GRM1: variants seen among roughly 807,000 people sequenced by gnomAD.
GRM1 encodes the protein glutamate metabotropic receptor 1.
In GRM1, 33 loss-of-function variants were observed where a neutral mutation model predicts 90.9. The ratio of observed to expected loss-of-function variants is 0.36; its 90% CI spans 0.28 to 0.49. GRM1 has a LOEUF of 0.49. Among genes scored for constraint, GRM1 ranks in the 20% least tolerant of loss-of-function variants. The pLI, the probability that GRM1 is intolerant of heterozygous loss-of-function variation, is 0.99. For synonymous variants in GRM1, 700 were observed against 613.2 expected (o/e 1.14, Z -2.09); for missense variants, 1,190 against 1,534.3 (o/e 0.78, Z 3.75).
intron 1 of GRM1, among the ~76,000 whole-genome samples, chr6:146,090,121 C>G (rs868650121): frequency 6.6e-6 from 1 of 151,986 alleles, no homozygotes; most frequent in South Asian, 2.1e-4. Flanking sequence ...CATCCATGTA[C>G]CTTCTGTGTG....
intron 2 of GRM1, among the ~76,000 whole-genome samples, chr6:146,176,130 T>C (rs755107520): frequency 6.6e-6 from 1 of 152,092 alleles, no homozygotes; most frequent in Non-Finnish European, 1.5e-5. Flanking sequence ...AGTTAATTCT[T>C]AATATCAAAT....
At chr6:146,075,660 G>T (rs772355671) in intron 1 of GRM1, among the ~76,000 whole-genome samples, 15 of 152,210 alleles carry the variant, frequency 9.9e-5, no homozygotes, top group Non-Finnish European at 2.2e-4. Flanking sequence ...TTGTCTCACA[G>T]TTGTGTAGGC....
chr6:146,424,640 G>A (rs1056965493), intron 7 of GRM1, among the ~76,000 whole-genome samples: 1 of 152,226 alleles, frequency 6.6e-6, no homozygotes, highest in South Asian at 2.1e-4. Flanking sequence ...GGTAGAGATT[G>A]TGTTTGTCTG....
At chr6:146,326,644 G>A (rs1015266064) in intron 3 of GRM1, among the ~76,000 whole-genome samples, 7 of 152,046 alleles carry the variant, frequency 4.6e-5, no homozygotes. Context: ...TTAATAAGTA[G>A]AAAGTAAATC....
At chr6:146,311,111 G>T (rs1463347022) in intron 3 of GRM1, among the ~76,000 whole-genome samples, 8 of 152,154 alleles carry the variant, frequency 5.3e-5, no homozygotes. Context: ...ATCATAAGAA[G>T]AATGGTGCAA....
chr6:146,330,941 AC>A (rs2114993600), intron 3 of GRM1, among the ~76,000 whole-genome samples: 1 of 152,364 alleles, frequency 6.6e-6, no homozygotes, highest in East Asian at 1.9e-4. Flanking sequence ...TCTATAACTA[AC>A]AGGAACTAAT....
At chr6:146,157,037 G>A (rs1777548849) in intron 1 of GRM1, among the ~76,000 whole-genome samples, 1 of 152,208 alleles carries the variant, frequency 6.6e-6, no homozygotes, top group African/African-American at 2.4e-5. Context: ...AGTTCAGTCT[G>A]AAGATCTATA....
At chr6:146,421,189 G>GA (rs1208007702) in intron 7 of GRM1, among the ~76,000 whole-genome samples, 3 of 151,838 alleles carry the variant, frequency 2.0e-5, no homozygotes, top group South Asian at 2.1e-4. Flanking sequence ...AATATCATGG[G>GA]AAAAAAATCT....
At chr6:146,425,022 T>G (rs1166238302) in intron 7 of GRM1, among the ~76,000 whole-genome samples, 1 of 152,218 alleles carries the variant, frequency 6.6e-6, no homozygotes, top group Non-Finnish European at 1.5e-5. Context: ...TCTGTTTTTC[T>G]AATTTTATTA....
In GRM1 at chr6:146,236,951, G is replaced by A. The variant is rs531296474; in HGVS notation, c.951-67660G>A. Among the ~76,000 whole-genome samples, 8 of 152,202 alleles carry A rather than the reference G, an allele frequency of 5.3e-5. No homozygotes were observed. The South Asian group carries it at 8.3e-4, about 16-fold the overall frequency. ...CCCCAAGTGTTTTTGGTTCCCAAGG[G>A]CTGTATGATGTCACAAGAGTTCACA... On this transcript the variant is annotated intron_variant, in intron 2 of 7. Transcript: ENST00000282753.
chr6:146,222,992 CAGA>C (rs1780122896), intron 2 of GRM1, among the ~76,000 whole-genome samples: 5 of 151,752 alleles, frequency 3.3e-5, no homozygotes, highest in Admixed American at 3.3e-4. Context: ...TAGGAAAGAT[CAGA>C]AGAAGTACCT....
At chr6:146,323,618 G>A (rs1360973490) in intron 3 of GRM1, among the ~76,000 whole-genome samples, 1 of 152,092 alleles carries the variant, frequency 6.6e-6, no homozygotes, top group Admixed American at 6.5e-5. Flanking sequence ...TGTCAATTTT[G>A]TCTTTTGTTG....
chr6:146,039,387 A>T (rs1791014109), intron 1 of GRM1, among the ~76,000 whole-genome samples: 1 of 151,918 alleles, frequency 6.6e-6, no homozygotes, highest in Non-Finnish European at 1.5e-5. Context: ...AATATCATTA[A>T]CTCTAAAGTA....
intron 3 of GRM1, among the ~76,000 whole-genome samples, chr6:146,335,115 A>G (rs1784723606): frequency 6.6e-6 from 1 of 152,196 alleles, no homozygotes; most frequent in African/African-American, 2.4e-5. Flanking sequence ...ATCAGATTAG[A>G]AACCCTTCCC....
chr6:146,402,353 G>T (rs549816822), intron 7 of GRM1, among the ~76,000 whole-genome samples: 1 of 152,160 alleles, frequency 6.6e-6, no homozygotes, highest in Admixed American at 6.5e-5. Context: ...TGTTGCTCCT[G>T]TTGTAACTAT....
rs362975 is a variant in GRM1 at position 146,329,982 on chromosome 6, C to T, written c.1187-22268C>T. ...GGGACTGCCTGTATTTCTTAAACTT[C>T]CCAAGAGTTCTTACTGACAGGCCTA... is the stretch of plus-strand genomic sequence containing the variant. On this transcript the variant is annotated intron_variant, in intron 3 of 7. Transcript: ENST00000282753. Among the ~76,000 whole-genome samples, 7 of 152,176 alleles carry T rather than the reference C, an allele frequency of 4.6e-5. 1 individual carries two copies. The highest frequency in any genetic ancestry group is 1.3e-4 in the Admixed American group (2 of 15,278).
chr6:146,194,873 G>A (rs1779061142), intron 2 of GRM1, among the ~76,000 whole-genome samples: 1 of 152,186 alleles, frequency 6.6e-6, no homozygotes, highest in South Asian at 2.1e-4. Flanking sequence ...CTTAGGCCTG[G>A]TAGTCTTGGT....
chr6:146,209,277 A>G (rs987794526), intron 2 of GRM1, among the ~76,000 whole-genome samples: 3 of 152,130 alleles, frequency 2.0e-5, no homozygotes, highest in Non-Finnish European at 2.9e-5. Context: ...GTTAAGAGTC[A>G]GAGAGGCAAG....
chr6:146,417,100 A>G (rs533512154), intron 7 of GRM1, among the ~76,000 whole-genome samples: 2 of 152,204 alleles, frequency 1.3e-5, no homozygotes, highest in Admixed American at 6.5e-5. Context: ...TTTGCCTCTT[A>G]GTTAAGACTC....
Sources: allele counts gnomAD v4.1 joint callset (sites outside exome capture counted in the v4.1 genomes callset), GRCh38; gene constraint gnomAD v4.1.1; transcripts MANE v1.5; gene names NCBI Gene and HGNC (gene_info 2026-07-23, HGNC 2026-07-21).